The following SUMF1 variants were observed in gnomAD, a reference collection of about 807,000 sequenced individuals.
SUMF1 encodes formylglycine-generating enzyme.
In SUMF1, 48 loss-of-function variants were observed where a neutral mutation model predicts 47.6. The ratio of observed to expected loss-of-function variants is 1.01; its 90% CI spans 0.80 to 1.28. The LOEUF (loss-of-function observed/expected upper bound fraction) is 1.28, where lower values mean the gene tolerates loss of function less well. Among genes scored for constraint, SUMF1 ranks in the 50% most tolerant of loss-of-function variants. The probability of loss-of-function intolerance (pLI) is 0.00; values close to 1 mark genes in which losing one functional copy is unlikely to be tolerated. For missense variants in SUMF1, 571 were observed against 485.4 expected, an observed-to-expected ratio of 1.18 and a Z score of -1.66; for synonymous variants, 230 against 192.1, an observed-to-expected ratio of 1.20 and a Z score of -1.63.
intron 7 of SUMF1, among the ~76,000 whole-genome samples, chr3:4,392,907 C>G (rs1700921027): frequency 6.6e-6 from 1 of 151,824 alleles, no homozygotes; most frequent in Non-Finnish European, 1.5e-5. Context: ...TAGACAGAGG[C>G]TATCTCAGAT....
At chr3:4,178,234 A>G (rs1156996781) in intron 8 of SUMF1, among the ~76,000 whole-genome samples, 2 of 152,154 alleles carry the variant, frequency 1.3e-5, no homozygotes, top group East Asian at 3.9e-4. Context: ...CAGAGACACA[A>G]CAAAAAAAGA....
intron 8 of SUMF1, among the ~76,000 whole-genome samples, chr3:4,322,588 A>T (rs942215053): frequency 3.3e-5 from 5 of 151,972 alleles, no homozygotes; most frequent in African/African-American, 9.7e-5. Flanking sequence ...TGACCCTAGG[A>T]GCTCAAGGCT....
In SUMF1 at chr3:4,371,805, G is replaced by C. The variant is rs151258427; in HGVS notation, c.1014+4525C>G. On this transcript the variant is annotated intron_variant, in intron 8 of 8. Transcript: ENST00000272902. ...CACTGTATACATGAGGAAAAATTGAGGCACACAGATGTTAATAGTGTGCCT... is the reference window on the plus strand; with the variant it reads ...CACTGTATACATGAGGAAAAATTGACGCACACAGATGTTAATAGTGTGCCT... Among the ~76,000 whole-genome samples, 127 of 152,248 alleles carry C rather than the reference G, an allele frequency of 8.3e-4. 2 individuals are homozygous for C. In the East Asian group the frequency reaches 0.02, roughly 24 times the overall value.
chr3:4,376,094 A>G (rs896502569), intron 8 of SUMF1, among the ~76,000 whole-genome samples: 1 of 152,232 alleles, frequency 6.6e-6, no homozygotes, highest in African/African-American at 2.4e-5. Context: ...AAGGGGCAAG[A>G]TTCAATAGAT....
At position 4,423,292 on chromosome 3, in the gene SUMF1, AC is replaced by A. The variant is rs1366580897; in HGVS notation, c.520-3147del. Among the ~76,000 whole-genome samples, 183 of 151,894 alleles carry A rather than the reference AC, an allele frequency of 1.2e-3. 1 individual carries two copies. Among genetic ancestry groups the A allele is most frequent in the African/African-American group, 4.3e-3 (177 of 41,436 alleles). On this transcript the variant is annotated intron_variant, in intron 3 of 8. Coordinates refer to ENST00000272902, the MANE Select transcript of SUMF1 (RefSeq NM_182760.4). ...AAGAAACTGTGATACACACACACAC[AC>A]ACACACACACACACACACACACAAT... is the stretch of plus-strand genomic sequence containing the variant.
intron 8 of SUMF1, among the ~76,000 whole-genome samples, chr3:4,219,829 C>T (rs1696022303): frequency 2.0e-5 from 3 of 152,126 alleles, no homozygotes; most frequent in Admixed American, 2.0e-4. Context: ...TTTTAACAAG[C>T]TCTCCCAAGC....
In SUMF1 at chr3:4,091,830, T is replaced by C. The variant is rs146108603; in HGVS notation, c.1015-23085A>G. On this transcript the variant is annotated intron_variant and NMD_transcript_variant, in intron 8 of 12. Coordinates refer to the SUMF1 transcript ENST00000448413. The stretch of plus-strand genomic sequence containing the variant: ...ACAGCTCACAGCCTGGTTCAGAACA[T>C]AGTCATTATTCTGGATGCTCCCATT... 5.7e-4 allele frequency among the ~76,000 whole-genome samples: 87 copies of C among 151,774 alleles called. 2 individuals carry two copies. The highest frequency in any genetic ancestry group is 2.0e-3 in the African/African-American group (82 of 41,306).
At chr3:4,061,823 T>C (rs957171032) in intron 9 of SUMF1, among the ~76,000 whole-genome samples, 2 of 152,122 alleles carry the variant, frequency 1.3e-5, no homozygotes, top group Admixed American at 6.6e-5. Context: ...TTTACACATC[T>C]AGTTAGGTTA....
chr3:4,064,437 T>G (rs937217015), intron 9 of SUMF1, among the ~76,000 whole-genome samples: 1 of 152,112 alleles, frequency 6.6e-6, no homozygotes, highest in African/African-American at 2.4e-5. Context: ...CTTGCCCCTT[T>G]CCTGGAAAAC....
chr3:4,153,960 A>G (rs2125107853), intron 8 of SUMF1, among the ~76,000 whole-genome samples: 1 of 151,724 alleles, frequency 6.6e-6, no homozygotes, highest in African/African-American at 2.4e-5. Flanking sequence ...TGTTTGCACA[A>G]TTTGGACAAC....
chr3:4,283,585 C>T (rs1248014483), intron 8 of SUMF1, among the ~76,000 whole-genome samples: 1 of 152,106 alleles, frequency 6.6e-6, no homozygotes, highest in East Asian at 1.9e-4. Flanking sequence ...GCCTTATTTT[C>T]CCACATGGTA....
chr3:4,427,932 G>C (rs78553046), intron 3 of SUMF1, among the ~76,000 whole-genome samples: 2 of 152,004 alleles, frequency 1.3e-5, no homozygotes, highest in South Asian at 2.1e-4. Flanking sequence ...TCAGGGCAGG[G>C]GGAACTGATT....
intron 8 of SUMF1, among the ~76,000 whole-genome samples, chr3:4,363,444 T>C (rs1219009772): frequency 6.6e-6 from 1 of 152,006 alleles, no homozygotes; most frequent in Non-Finnish European, 1.5e-5. Context: ...TTCACGTCCC[T>C]TGTAAGGTGG....
chr3:4,043,803 C>G (rs1351558742), intron 9 of SUMF1, among the ~76,000 whole-genome samples: 1 of 152,140 alleles, frequency 6.6e-6, no homozygotes, highest in Non-Finnish European at 1.5e-5. Context: ...TTTCTTTCAA[C>G]TCTAAATTTG....
At position 4,465,232 on chromosome 3, in the gene SUMF1, G is replaced by A. The variant is rs370675359; in HGVS notation, c.270+1744C>T. 8.5e-4 allele frequency among the ~76,000 whole-genome samples: 129 copies of A among 152,244 alleles called. 1 individual carries two copies. The highest frequency in any genetic ancestry group is 2.9e-3 in the African/African-American group (120 of 41,542). On this transcript the variant is annotated intron_variant, in intron 1 of 8. Transcript: ENST00000272902. ...TGGCTCACGTTTGTAATCCCAGCAC[G>A]CTGGGAGGCCAAGGCAAGCGGATCA...
chr3:4,428,385 G>C (rs1702131441), intron 3 of SUMF1, among the ~76,000 whole-genome samples: 1 of 141,006 alleles, frequency 7.1e-6, no homozygotes, highest in African/African-American at 2.4e-5. Context: ...AGAGGGTCTT[G>C]CTCTGTCACC....
intron 8 of SUMF1, among the ~76,000 whole-genome samples, chr3:4,190,821 A>G (rs1202966620): frequency 1.3e-5 from 2 of 152,160 alleles, no homozygotes; most frequent in Admixed American, 6.5e-5. Flanking sequence ...CCTACTGAAG[A>G]CCACAGATGG....
chr3:4,292,491 G>C (rs908351951), intron 8 of SUMF1, among the ~76,000 whole-genome samples: 1 of 152,194 alleles, frequency 6.6e-6, no homozygotes, highest in Non-Finnish European at 1.5e-5. Context: ...TATAAGATGA[G>C]GCAATATATT....
At chr3:4,178,500 C>A (rs931300406) in intron 8 of SUMF1, among the ~76,000 whole-genome samples, 21 of 152,100 alleles carry the variant, frequency 1.4e-4, no homozygotes, top group Admixed American at 1.3e-4. Flanking sequence ...GCCCTTCATG[C>A]TAAAAACTCT....
Sources: allele counts gnomAD v4.1 joint callset (sites outside exome capture counted in the v4.1 genomes callset), GRCh38; gene constraint gnomAD v4.1.1; transcripts MANE v1.5; gene names NCBI Gene and HGNC (gene_info 2026-07-23, HGNC 2026-07-21).